The following CLASP1 variants were observed in gnomAD, a reference collection of about 807,000 sequenced individuals.
CLASP1 encodes CLIP-associating protein 1.
Under a neutral mutation model 192.3 loss-of-function variants are expected in CLASP1, and 38 were observed. The observed-to-expected ratio is 0.20, with a 90% CI of 0.15 to 0.26. The LOEUF (loss-of-function observed/expected upper bound fraction) is 0.26. CLASP1 is among the 10% of genes least tolerant of loss of function. CLASP1 has a pLI of 1.00. For synonymous variants in CLASP1, 691 were observed against 712.8 expected (o/e 0.97, Z 0.49); for missense variants, 1,433 against 1,932.5 (o/e 0.74, Z 4.85).
chr2:121,544,256 C>A (rs968859018), intron 2 of CLASP1, among the ~76,000 whole-genome samples: 4 of 152,064 alleles, frequency 2.6e-5, no homozygotes, highest in African/African-American at 9.7e-5. Context: ...TGTGAATTGG[C>A]TCATTGGTTA....
At chr2:121,541,007 T>C (rs933370432) in intron 2 of CLASP1, among the ~76,000 whole-genome samples, 1 of 152,212 alleles carries the variant, frequency 6.6e-6, no homozygotes, top group Non-Finnish European at 1.5e-5. Context: ...CTTTGTGTTT[T>C]GTGCACATTC....
intron 2 of CLASP1, among the ~76,000 whole-genome samples, chr2:121,574,714 G>A (rs183989607): frequency 0.038 from 5,672 of 149,202 alleles, 370 homozygotes; most frequent in African/African-American, 0.13. Flanking sequence ...CGAGGCAGGC[G>A]GATCACAAGG....
intron 22 of CLASP1, among the ~76,000 whole-genome samples, chr2:121,420,109 C>A (rs2079234800): frequency 6.7e-6 from 1 of 148,784 alleles, no homozygotes; most frequent in Non-Finnish European, 1.5e-5. Context: ...TAAGTGATAT[C>A]CAAATGCTTA....
At chr2:121,622,619 C>A (rs1292417297) in intron 1 of CLASP1, among the ~76,000 whole-genome samples, 1 of 151,294 alleles carries the variant, frequency 6.6e-6, no homozygotes, top group Non-Finnish European at 1.5e-5. Context: ...AACTTTATTC[C>A]CAAATGTTTT....
At chr2:121,371,209 G>A (rs963151514) in intron 34 of CLASP1, among the ~76,000 whole-genome samples, 2 of 151,960 alleles carry the variant, frequency 1.3e-5, no homozygotes, top group Non-Finnish European at 2.9e-5. Context: ...AAGTGTGTGT[G>A]TGTGTGTGTG....
intron 14 of CLASP1, among the ~76,000 whole-genome samples, chr2:121,452,939 A>C (rs2085807222): frequency 6.6e-6 from 1 of 152,184 alleles, no homozygotes; most frequent in African/African-American, 2.4e-5. Flanking sequence ...AAATGACCAG[A>C]CTTTCTTTCC....
chr2:121,498,009 A>G (rs113814138), intron 8 of CLASP1, among the ~76,000 whole-genome samples: 6,181 of 152,090 alleles, frequency 0.041, 163 homozygotes, highest in East Asian at 0.14. Context: ...ACAGGCGCAC[A>G]CCGCCACGCC....
chr2:121,444,057 G>T (rs1574903826), intron 19 of CLASP1, among the ~76,000 whole-genome samples: 1 of 152,262 alleles, frequency 6.6e-6, no homozygotes, highest in Admixed American at 6.5e-5. Flanking sequence ...GGCAGAGAAG[G>T]TTCCTCTAAA....
chr2:121,551,589 C>A (rs1276369845), intron 2 of CLASP1, among the ~76,000 whole-genome samples: 2 of 152,114 alleles, frequency 1.3e-5, no homozygotes, highest in Non-Finnish European at 2.9e-5. Flanking sequence ...TGAATGAACA[C>A]CCATTCACAA....
At chr2:121,529,000 AT>A (rs2104709324) in intron 3 of CLASP1, among the ~76,000 whole-genome samples, 1 of 152,238 alleles carries the variant, frequency 6.6e-6, no homozygotes, top group Admixed American at 6.5e-5. Flanking sequence ...CAGATACACT[AT>A]TTGTCTTCCT....
chr2:121,469,778 C>T, intron 9 of CLASP1, 30 bp downstream of exon 9: 1 of 1,587,582 alleles, frequency 6.3e-7, no homozygotes, highest in Non-Finnish European at 8.6e-7. Flanking sequence ...CATAGCTGAC[C>T]CCAGAACGCC....
chr2:121,443,294 AG>A (rs2083685393), intron 19 of CLASP1, among the ~76,000 whole-genome samples: 1 of 151,898 alleles, frequency 6.6e-6, no homozygotes, highest in African/African-American at 2.4e-5. Context: ...AAAAAAAAAA[AG>A]TTAAAAAGTC....
intron 2 of CLASP1, among the ~76,000 whole-genome samples, chr2:121,602,226 C>T (rs1170404612): frequency 1.3e-5 from 2 of 149,900 alleles, no homozygotes; most frequent in African/African-American, 4.9e-5. Flanking sequence ...ATGACAGCTA[C>T]CAAAAATAAA....
rs571376348 is a variant in CLASP1 at position 121,414,462 on chromosome 2, A to C, written c.2321-3493T>G. Among the ~76,000 whole-genome samples, 6 of 152,302 alleles carry C rather than the reference A, an allele frequency of 3.9e-5. 1 individual carries two copies. The East Asian group carries it at 9.7e-4, about 25-fold the overall frequency. Reference sequence around the variant, plus strand: ...AGGTGCTCCAAACTAAGTATGCATCAACCAACTCGGACTCCAGGGTTATAT... The same window carrying C: ...AGGTGCTCCAAACTAAGTATGCATCCACCAACTCGGACTCCAGGGTTATAT... On this transcript the variant is annotated intron_variant, in intron 23 of 39. Transcript: ENST00000263710.
intron 5 of CLASP1, among the ~76,000 whole-genome samples, chr2:121,527,468 A>T (rs1014536256): frequency 2.0e-5 from 3 of 152,228 alleles, no homozygotes; most frequent in African/African-American, 7.2e-5. Flanking sequence ...ATTCAAATAC[A>T]TTCATGGTTG....
intron 2 of CLASP1, among the ~76,000 whole-genome samples, chr2:121,558,655 G>T (rs1021036560): frequency 6.6e-6 from 1 of 152,202 alleles, no homozygotes; most frequent in Non-Finnish European, 1.5e-5. Context: ...CTCACCAGAG[G>T]TGGCCCTTTG....
At chr2:121,342,612 A>T (rs1179117564) in intron 39 of CLASP1, among the ~76,000 whole-genome samples, 2 of 152,142 alleles carry the variant, frequency 1.3e-5, no homozygotes, top group Admixed American at 1.3e-4. Flanking sequence ...GAAAACAATA[A>T]AGATTAGAGC....
chr2:121,616,361 C>T (rs1159498454), intron 1 of CLASP1, among the ~76,000 whole-genome samples: 1 of 152,036 alleles, frequency 6.6e-6, no homozygotes, highest in Non-Finnish European at 1.5e-5. Flanking sequence ...ACAATAGAAT[C>T]GCTTGAACCT....
chr2:121,593,012 T>C (rs1302975664), intron 2 of CLASP1, among the ~76,000 whole-genome samples: 1 of 152,166 alleles, frequency 6.6e-6, no homozygotes, highest in Non-Finnish European at 1.5e-5. Context: ...TAATGAGTAA[T>C]AGGATATTTA....
Sources: allele counts gnomAD v4.1 joint callset (sites outside exome capture counted in the v4.1 genomes callset), GRCh38; gene constraint gnomAD v4.1.1; transcripts MANE v1.5; gene names NCBI Gene and HGNC (gene_info 2026-07-23, HGNC 2026-07-21).